Variants in MALRD1 observed in about 807,000 individuals in gnomAD.
The protein encoded by MALRD1 is MAM and LDL receptor class A domain containing 1, also known as MAM and LDL-receptor class A domain-containing protein 1.
In MALRD1, 247 loss-of-function variants were observed where a neutral mutation model predicts 242.1. That is an observed-to-expected ratio of 1.02 (90% confidence interval 0.92 to 1.13). The LOEUF is 1.13. MALRD1 is among the 50% of genes most tolerant of loss of function. MALRD1 has a pLI of 0.00. For synonymous variants in MALRD1, 995 were observed against 866.6 expected (o/e 1.15, Z -2.60); for missense variants, 2,989 against 2,533.1 (o/e 1.18, Z -3.86).
In MALRD1 at chr10:19,387,627, A is replaced by C; in HGVS notation, c.4541A>C (p.Glu1514Ala). Residue 1514 changes from glutamate (E) to alanine (A), a missense_variant, in exon 27 of 40, where the codon GAA (glutamate) becomes GCA (alanine). Transcript: ENST00000454679. Reference sequence around the variant, plus strand: ...GATAACTGTGGAGATAATACTGATGAAAATGAGTGTGGTAGCTCCTGTACT... The same window carrying C: ...GATAACTGTGGAGATAATACTGATGCAAATGAGTGTGGTAGCTCCTGTACT... ...FVDNCGDNTD[E>A]NECGSSCTFE... 1 of 1,550,460 alleles carries C rather than the reference A, an allele frequency of 6.4e-7. No homozygotes were observed. The highest frequency in any genetic ancestry group is 8.7e-7 in the Non-Finnish European group (1 of 1,146,902).
chr10:19,127,918 T>G (rs1480606873), intron 7 of MALRD1, among the ~76,000 whole-genome samples: 1 of 152,102 alleles, frequency 6.6e-6, no homozygotes, highest in African/African-American at 2.4e-5. Flanking sequence ...ATGGCAATAA[T>G]TTGGTGGTAT....
chr10:19,724,638 A>G (rs1455207282), intron 38 of MALRD1, among the ~76,000 whole-genome samples: 1 of 152,182 alleles, frequency 6.6e-6, no homozygotes, highest in Admixed American at 6.5e-5. Context: ...TAATTTTCCT[A>G]TACACTAGCT....
At chr10:19,347,274 A>G (rs189771898) in intron 24 of MALRD1, among the ~76,000 whole-genome samples, 3 of 152,320 alleles carry the variant, frequency 2.0e-5, no homozygotes, top group Admixed American at 1.3e-4. Context: ...CAATAAGCTC[A>G]TTCAAATTAT....
Position 19,274,231 on chromosome 10 carries a change from A to C in MALRD1, c.3080-5816A>C, listed in dbSNP as rs1588831131. Among the ~76,000 whole-genome samples, 4 of 152,336 alleles carry C rather than the reference A, an allele frequency of 2.6e-5. No homozygotes were observed. In the South Asian group the frequency reaches 8.3e-4, roughly 32 times the overall value. ...AAGAGGTAGAATAACCCAAATGTCT[A>C]TTAACAGATGATTGGATAAAGAAAA... On this transcript the variant is annotated intron_variant, in intron 19 of 39. Coordinates refer to ENST00000454679, the MANE Select transcript of MALRD1 (RefSeq NM_001142308.3).
At chr10:19,361,376 A>G (rs78825978) in intron 26 of MALRD1, among the ~76,000 whole-genome samples, 1,968 of 152,206 alleles carry the variant, frequency 0.013, 37 homozygotes, top group African/African-American at 0.036. Context: ...AGCAAAGAAC[A>G]TGGTAGAAGG....
rs1011890675 is a variant in MALRD1 at position 19,454,431 on chromosome 10, T to TATATATATATATATATATATAA, written c.5029+3942_5029+3943insTATATATATATATATATATAAA. Among the ~76,000 whole-genome samples the TATATATATATATATATATATAA allele has an allele frequency of 3.1e-3, 423 of 136,578 alleles. 8 individuals are homozygous for TATATATATATATATATATATAA. The highest frequency in any genetic ancestry group is 4.3e-3 in the Non-Finnish European group (271 of 63,486). The allele number at this position is 136,578 out of a possible 152,430, so 89.6% of individuals were successfully genotyped here. On this transcript the variant is annotated intron_variant, in intron 29 of 39. Coordinates refer to ENST00000454679, the MANE Select transcript of MALRD1 (RefSeq NM_001142308.3). ...ATATATATATATATATATATATATA[T>TATATATATATATATATATATAA]AATTATATGATACATACATATAAAT...
intron 10 of MALRD1, among the ~76,000 whole-genome samples, chr10:19,137,467 G>A (rs944089864): frequency 3.9e-5 from 6 of 151,950 alleles, no homozygotes; most frequent in African/African-American, 9.7e-5. Context: ...TTAGCCAGGC[G>A]TGGTGGTGGG....
intron 32 of MALRD1, among the ~76,000 whole-genome samples, chr10:19,533,692 G>A (rs546011605): frequency 5.2e-4 from 79 of 152,250 alleles, no homozygotes; most frequent in Non-Finnish European, 9.4e-4. Flanking sequence ...CAGATATCAT[G>A]AGAACTCACT....
chr10:19,725,111 G>A (rs1463793867), intron 38 of MALRD1: 1 of 152,186 alleles, frequency 6.6e-6, no homozygotes, highest in Non-Finnish European at 1.5e-5. Context: ...CTAAGTTCAT[G>A]GAAAGGAGGA....
Position 19,692,349 on chromosome 10 carries a change from T to C in MALRD1, c.6205T>C (p.Tyr2069His), listed in dbSNP as rs1192959237. ...TAATCCTCCTGCTACAGACTTCACATACGCTCAGAATAGTAGGTGACATTA... is the reference window on the plus strand; with the variant it reads ...TAATCCTCCTGCTACAGACTTCACACACGCTCAGAATAGTAGGTGACATTA... ...KFNPPATDFT[Y>H]AQNNTWTLLG... is the part of the protein sequence containing the mutation. The change falls in exon 37 of 40, where the codon TAC (tyrosine) becomes CAC (histidine). Residue 2069 changes from tyrosine to histidine, a missense_variant. Transcript: ENST00000454679. 1.3e-6 allele frequency: 2 copies of C among 1,535,460 alleles called. No homozygotes were observed. Among genetic ancestry groups the C allele is most frequent in the South Asian group, 2.4e-5 (2 of 84,002 alleles).
chr10:19,450,919 C>G (rs1473591629), intron 29 of MALRD1, among the ~76,000 whole-genome samples: 1 of 152,154 alleles, frequency 6.6e-6, no homozygotes, highest in Non-Finnish European at 1.5e-5. Context: ...TAATCCCATT[C>G]ATGAGGGCTC....
At chr10:19,585,622 T>C (rs1837351974) in intron 33 of MALRD1, among the ~76,000 whole-genome samples, 1 of 152,210 alleles carries the variant, frequency 6.6e-6, no homozygotes, top group Non-Finnish European at 1.5e-5. Flanking sequence ...CTTCCCTTTG[T>C]AGGTAACCCG....
At chr10:19,525,493 T>C (rs1023076572) in intron 31 of MALRD1, among the ~76,000 whole-genome samples, 4 of 152,218 alleles carry the variant, frequency 2.6e-5, no homozygotes, top group African/African-American at 9.6e-5. Flanking sequence ...ATGCTGAATT[T>C]ATACTATTGT....
chr10:19,458,685 C>G (rs918776083), intron 29 of MALRD1, among the ~76,000 whole-genome samples: 1 of 152,114 alleles, frequency 6.6e-6, no homozygotes, highest in Admixed American at 6.6e-5. Flanking sequence ...TAGCATGTGT[C>G]ATTTCCAGTT....
intron 33 of MALRD1, among the ~76,000 whole-genome samples, chr10:19,585,090 C>G (rs1837319459): frequency 6.6e-6 from 1 of 152,030 alleles, no homozygotes; most frequent in Non-Finnish European, 1.5e-5. Flanking sequence ...AGATCTTCCT[C>G]CATCCTTTTA....
chr10:19,489,002 G>T (rs1370641094), intron 29 of MALRD1: 2 of 455,250 alleles, frequency 4.4e-6, no homozygotes, highest in Non-Finnish European at 8.9e-6. Context: ...GGTTCTATCC[G>T]GTTCTCCCAC....
At chr10:19,139,940 T>TA (rs918080108) in intron 10 of MALRD1, among the ~76,000 whole-genome samples, 1 of 152,222 alleles carries the variant, frequency 6.6e-6, no homozygotes, top group African/African-American at 2.4e-5. Context: ...AGATGGCATC[T>TA]AAAAAAATTG....
chr10:19,238,549 A>C (rs1490316500), intron 18 of MALRD1, among the ~76,000 whole-genome samples: 5 of 114,946 alleles, frequency 4.3e-5, no homozygotes, highest in Non-Finnish European at 6.8e-5. Flanking sequence ...TATAATATAT[A>C]ATGTATATTA....
At chr10:19,141,013 A>G (rs1833521247) in intron 10 of MALRD1, among the ~76,000 whole-genome samples, 1 of 152,228 alleles carries the variant, frequency 6.6e-6, no homozygotes, top group African/African-American at 2.4e-5. Flanking sequence ...TCCTTTCACT[A>G]CGTATATGTA....
Sources: gnomAD v4.1 joint callset for allele counts (sites outside exome capture counted in the v4.1 genomes callset) on GRCh38, gnomAD v4.1.1 for gene constraint, MANE v1.5 for transcripts, NCBI Gene and HGNC (gene_info 2026-07-23, HGNC 2026-07-21) for gene names.